The following NCALD variants were observed in gnomAD, a reference collection of about 807,000 sequenced individuals.
NCALD encodes the protein neurocalcin delta.
In NCALD, 10 loss-of-function variants were observed where a neutral mutation model predicts 18.6. The ratio of observed to expected loss-of-function variants is 0.54; its 90% CI spans 0.33 to 0.91. NCALD has a LOEUF of 0.91. NCALD is among the 40% of genes least tolerant of loss of function. The pLI is 0.03. For missense variants in NCALD, 184 were observed against 247.6 expected, an observed-to-expected ratio of 0.74 and a Z score of 1.72; for synonymous variants, 88 against 87.4, an observed-to-expected ratio of 1.01 and a Z score of -0.04.
At chr8:101,805,664 C>G (rs2131110310) in intron 4 of NCALD, among the ~76,000 whole-genome samples, 1 of 152,268 alleles carries the variant, frequency 6.6e-6, no homozygotes, top group Admixed American at 6.5e-5. Context: ...AAGGAGCTGA[C>G]TTTATTTGTA....
intron 2 of NCALD, among the ~76,000 whole-genome samples, chr8:101,937,362 A>C (rs4734601): frequency 0.52 from 79,642 of 151,806 alleles, 21,036 homozygotes; most frequent in South Asian, 0.6. Context: ...CTCAAGTAGA[A>C]CCCAGTGTCT....
At chr8:101,853,918 C>T (rs1258257646) in intron 4 of NCALD, among the ~76,000 whole-genome samples, 2 of 152,138 alleles carry the variant, frequency 1.3e-5, no homozygotes, top group Non-Finnish European at 2.9e-5. Flanking sequence ...CAAGCTCTTA[C>T]ACATCAAAAG....
chr8:101,766,375 A>C (rs1811347890), intron 1 of NCALD, among the ~76,000 whole-genome samples: 1 of 149,234 alleles, frequency 6.7e-6, no homozygotes, highest in Non-Finnish European at 1.5e-5. Flanking sequence ...TAAAAAATAC[A>C]TGAAAAATGT....
chr8:101,955,184 C>G (rs930072554), intron 2 of NCALD, among the ~76,000 whole-genome samples: 1 of 152,138 alleles, frequency 6.6e-6, no homozygotes, highest in African/African-American at 2.4e-5. Flanking sequence ...GCCTCACAGT[C>G]TTAATTAAAT....
intron 2 of NCALD, among the ~76,000 whole-genome samples, chr8:101,701,356 G>A (rs796941192): frequency 3.9e-5 from 6 of 152,216 alleles, no homozygotes; most frequent in African/African-American, 1.4e-4. Flanking sequence ...TTTATTTTTA[G>A]CAATGTCAAT....
chr8:102,102,281 A>G (rs1825308059), intron 1 of NCALD, among the ~76,000 whole-genome samples: 1 of 152,222 alleles, frequency 6.6e-6, no homozygotes. Flanking sequence ...CCACCCAACA[A>G]CACAGCTCAC....
chr8:101,933,082 G>T (rs1207285095), intron 2 of NCALD, among the ~76,000 whole-genome samples: 3 of 152,152 alleles, frequency 2.0e-5, no homozygotes, highest in African/African-American at 7.2e-5. Flanking sequence ...AAAGTAGTTT[G>T]CTTGTGTTTC....
chr8:101,965,256 A>G (rs1313407281), intron 2 of NCALD, among the ~76,000 whole-genome samples: 1 of 152,208 alleles, frequency 6.6e-6, no homozygotes, highest in African/African-American at 2.4e-5. Flanking sequence ...CAGCAATCCC[A>G]TTACTGGGTA....
At chr8:101,972,111 A>C (rs1394682107) in intron 2 of NCALD, among the ~76,000 whole-genome samples, 1 of 152,166 alleles carries the variant, frequency 6.6e-6, no homozygotes, top group Non-Finnish European at 1.5e-5. Flanking sequence ...ATGAGGATGA[A>C]AACTGACATG....
intron 1 of NCALD, chr8:101,788,709 A>G: frequency 6.6e-6 from 1 of 152,230 alleles, no homozygotes. Context: ...CCACAGCACC[A>G]AACGGGTTAA....
intron 4 of NCALD, among the ~76,000 whole-genome samples, chr8:101,850,449 C>T (rs1456993554): frequency 6.6e-6 from 1 of 152,180 alleles, no homozygotes; most frequent in Non-Finnish European, 1.5e-5. Context: ...TCGCTACACA[C>T]TTATTTTAAA....
At chr8:102,089,036 G>A (rs1824836306) in intron 1 of NCALD, among the ~76,000 whole-genome samples, 2 of 152,082 alleles carry the variant, frequency 1.3e-5, no homozygotes, top group African/African-American at 4.8e-5. Context: ...TTGCTTATTA[G>A]GCCATAAAAA....
intron 2 of NCALD, among the ~76,000 whole-genome samples, chr8:101,716,177 G>A (rs1323112551): frequency 1.3e-5 from 2 of 152,142 alleles, no homozygotes; most frequent in African/African-American, 4.8e-5. Flanking sequence ...CTGGGACATG[G>A]ATGAAGCTGG....
intron 1 of NCALD, among the ~76,000 whole-genome samples, chr8:102,101,332 T>C (rs1825274519): frequency 1.3e-5 from 2 of 152,206 alleles, no homozygotes; most frequent in African/African-American, 4.8e-5. Flanking sequence ...TTTTTTTAAG[T>C]TAGCAACAAA....
At chr8:102,038,315 G>A (rs910988528) in intron 1 of NCALD, among the ~76,000 whole-genome samples, 1 of 152,178 alleles carries the variant, frequency 6.6e-6, no homozygotes, top group African/African-American at 2.4e-5. Context: ...AATTGCTGAT[G>A]GGTCAGCAAG....
In NCALD at chr8:101,689,270, A is replaced by T; in HGVS notation, c.*39T>A. 3 of 1,585,724 alleles carry T rather than the reference A, an allele frequency of 1.9e-6. No homozygotes were observed. The highest frequency in any genetic ancestry group is 2.6e-6 in the Non-Finnish European group (3 of 1,159,952). On this transcript the variant is annotated 3_prime_UTR_variant, in exon 4 of 4. Transcript: ENST00000220931. This position sits in a 1 kb window ranked among gnomAD's most constrained non-coding sequence, Gnocchi z 4.4. Reference sequence around the variant, plus strand: ...TGTTAAAAAGAAGAATCAAAAGGGAACACAAGCAGCTCTACAATTCGATTG... The same window carrying T: ...TGTTAAAAAGAAGAATCAAAAGGGATCACAAGCAGCTCTACAATTCGATTG...
intron 2 of NCALD, among the ~76,000 whole-genome samples, chr8:101,938,366 A>C (rs1214097107): frequency 6.6e-6 from 1 of 152,212 alleles, no homozygotes; most frequent in African/African-American, 2.4e-5. Flanking sequence ...TAGTGAAGCC[A>C]TAGCTCAGAG....
chr8:102,004,107 C>T (rs1225693324), intron 2 of NCALD, among the ~76,000 whole-genome samples: 11 of 151,518 alleles, frequency 7.3e-5, no homozygotes, highest in Non-Finnish European at 1.6e-4. Flanking sequence ...TTGCAGACGA[C>T]ATGATTGTAT....
chr8:101,823,739 T>C (rs1165317888), intron 4 of NCALD, among the ~76,000 whole-genome samples: 1 of 152,190 alleles, frequency 6.6e-6, no homozygotes, highest in Non-Finnish European at 1.5e-5. Flanking sequence ...GATCACAATG[T>C]AGCAAAGCTT....
Sources: gnomAD v4.1 joint callset for allele counts (sites outside exome capture counted in the v4.1 genomes callset) on GRCh38, gnomAD v4.1.1 for gene constraint, Gnocchi (gnomAD v3.1) non-coding constraint, MANE v1.5 for transcripts, NCBI Gene and HGNC (gene_info 2026-07-23, HGNC 2026-07-21) for gene names.